GRB10: variants seen among roughly 807,000 people sequenced by gnomAD.
The protein encoded by GRB10 is growth factor receptor-bound protein 10.
Under a neutral mutation model 80.9 loss-of-function variants are expected in GRB10, and 20 were observed. The ratio of observed to expected loss-of-function variants is 0.25; its 90% CI spans 0.17 to 0.36. The LOEUF is 0.36. Among genes scored for constraint, GRB10 ranks in the 10% least tolerant of loss-of-function variants. The pLI is 1.00. For synonymous variants in GRB10, 291 were observed against 291.5 expected (o/e 1.00, Z 0.02); for missense variants, 548 against 747.7 (o/e 0.73, Z 3.12).
chr7:50,614,386 A>C (rs1264118956), intron 12 of GRB10, among the ~76,000 whole-genome samples: 1 of 152,154 alleles, frequency 6.6e-6, no homozygotes, highest in East Asian at 1.9e-4. Context: ...CCCACACAGA[A>C]GCCATCAGCT....
At chr7:50,654,142 G>A (rs2153621295) in intron 7 of GRB10, among the ~76,000 whole-genome samples, 1 of 152,298 alleles carries the variant, frequency 6.6e-6, no homozygotes, top group Middle Eastern at 3.4e-3. Context: ...AGAATTATGA[G>A]TATTCCATGG....
At chr7:50,752,364 G>A (rs763178179) in intron 3 of GRB10, among the ~76,000 whole-genome samples, 3 of 152,176 alleles carry the variant, frequency 2.0e-5, no homozygotes, top group Admixed American at 1.3e-4. Context: ...TCTTTCCTAC[G>A]GGAAAGGCTA....
At chr7:50,763,822 C>G (rs1170764792) in intron 2 of GRB10, among the ~76,000 whole-genome samples, 1 of 152,250 alleles carries the variant, frequency 6.6e-6, no homozygotes, top group Non-Finnish European at 1.5e-5. Flanking sequence ...CTCATCTGAA[C>G]TGGGACTCAG....
At chr7:50,754,016 C>T (rs1479534785) in intron 3 of GRB10, among the ~76,000 whole-genome samples, 1 of 152,194 alleles carries the variant, frequency 6.6e-6, no homozygotes, top group Admixed American at 6.5e-5. Context: ...TCACTCGCAA[C>T]AAATCTATGT....
intron 7 of GRB10, among the ~76,000 whole-genome samples, chr7:50,635,948 T>C (rs1407834066): frequency 6.9e-6 from 1 of 145,798 alleles, no homozygotes; most frequent in Non-Finnish European, 1.5e-5. Flanking sequence ...CAGCTTTTTT[T>C]TTTTTTTCCT....
chr7:50,763,674 GA>G (rs2153706195), intron 2 of GRB10, among the ~76,000 whole-genome samples: 1 of 152,328 alleles, frequency 6.6e-6, no homozygotes, highest in South Asian at 2.1e-4. Context: ...GCACAAGGCA[GA>G]AACAAGAGCT....
At chr7:50,746,389 C>G (rs55842511) in intron 3 of GRB10, among the ~76,000 whole-genome samples, 1 of 152,120 alleles carries the variant, frequency 6.6e-6, no homozygotes, top group Admixed American at 6.5e-5. Context: ...TTTCAACTTA[C>G]GACATTTGTG....
intron 7 of GRB10, among the ~76,000 whole-genome samples, chr7:50,653,317 G>C (rs1320685204): frequency 6.6e-6 from 1 of 152,182 alleles, no homozygotes; most frequent in African/African-American, 2.4e-5. Context: ...CGCCCATGAA[G>C]CCGGGAACAG....
intron 7 of GRB10, among the ~76,000 whole-genome samples, chr7:50,628,776 T>C (rs2053475001): frequency 6.6e-6 from 1 of 152,176 alleles, no homozygotes; most frequent in African/African-American, 2.4e-5. Context: ...GAGACTTGTT[T>C]TCAACTCTTA....
At chr7:50,716,275 G>A (rs775866605) in intron 4 of GRB10, among the ~76,000 whole-genome samples, 1 of 152,204 alleles carries the variant, frequency 6.6e-6, no homozygotes, top group Non-Finnish European at 1.5e-5. Context: ...CAAACTAAAA[G>A]TGACTCTGGG....
chr7:50,605,555 T>A (rs2048378939), intron 14 of GRB10, 149 bp from the exon 15 acceptor site: 1 of 748,484 alleles, frequency 1.3e-6, no homozygotes, highest in Admixed American at 1.9e-5. Context: ...GGTGGGAAAT[T>A]CACCGGTTCA....
At chr7:50,613,583 C>G (rs2049976384) in intron 12 of GRB10, among the ~76,000 whole-genome samples, 1 of 152,164 alleles carries the variant, frequency 6.6e-6, no homozygotes, top group Admixed American at 6.5e-5. Flanking sequence ...TCCCAAGAAT[C>G]TGGAGGGGTT....
intron 17 of GRB10, 51 bp downstream of exon 17, chr7:50,603,947 G>A: frequency 1.5e-6 from 2 of 1,342,680 alleles, no homozygotes; most frequent in African/African-American, 1.4e-5. Context: ...CAGATCCCCA[G>A]CACAATAAAA....
At chr7:50,708,488 C>T (rs77941500) in intron 4 of GRB10, among the ~76,000 whole-genome samples, 89 of 152,306 alleles carry the variant, frequency 5.8e-4, no homozygotes, top group African/African-American at 2.0e-3. Context: ...ACCCACCATT[C>T]AGAGGCAAAC....
chr7:50,616,133 C>G (rs1173043667), intron 11 of GRB10, 77 bp downstream of exon 11: 2 of 1,552,122 alleles, frequency 1.3e-6, no homozygotes, highest in South Asian at 1.1e-5. Context: ...AAAAATGAAG[C>G]CCAGGTTCAC....
chr7:50,725,982 A>G (rs2068579258), intron 4 of GRB10: 1 of 152,252 alleles, frequency 6.6e-6, no homozygotes, highest in South Asian at 2.1e-4. Flanking sequence ...GATCTATCCC[A>G]TTACAAGCTG....
At chr7:50,754,367 C>A (rs1038703077) in intron 3 of GRB10, among the ~76,000 whole-genome samples, 1 of 152,180 alleles carries the variant, frequency 6.6e-6, no homozygotes, top group African/African-American at 2.4e-5. Context: ...GGGTGAAGGG[C>A]CTGTTTTACA....
chr7:50,627,897 G>A (rs986586870), intron 7 of GRB10, among the ~76,000 whole-genome samples: 1 of 152,210 alleles, frequency 6.6e-6, no homozygotes, highest in Admixed American at 6.5e-5. Flanking sequence ...GCCCTGGGGG[G>A]CAGGCTGTCT....
intron 7 of GRB10, among the ~76,000 whole-genome samples, chr7:50,667,167 T>C (rs2059904116): frequency 6.6e-6 from 1 of 152,076 alleles, no homozygotes; most frequent in Non-Finnish European, 1.5e-5. Context: ...GAAGTTTAAA[T>C]ATCTCTACTT....
Sources: gnomAD v4.1 joint callset for allele counts (sites outside exome capture counted in the v4.1 genomes callset) on GRCh38, gnomAD v4.1.1 for gene constraint, MANE v1.5 for transcripts, NCBI Gene and HGNC (gene_info 2026-07-23, HGNC 2026-07-21) for gene names.